SPEF2: variants seen among roughly 807,000 people sequenced by gnomAD.
The protein encoded by SPEF2 is sperm flagellar and cilia associated 2.
In SPEF2, 187 loss-of-function variants were observed where a neutral mutation model predicts 224.6. That is an observed-to-expected ratio of 0.83 (90% CI 0.74 to 0.94). SPEF2 has a LOEUF of 0.94. Ranked by LOEUF, SPEF2 falls within the 40% of genes least tolerant of loss-of-function variation. The pLI, the probability that SPEF2 is intolerant of heterozygous loss-of-function variation, is 0.00. For missense variants in SPEF2, 2,170 were observed against 2,135.6 expected (o/e 1.02, Z -0.32); for synonymous variants, 715 against 707.3 (o/e 1.01, Z -0.17).
chr5:35,796,717 A>G (rs1044967492), intron 33 of SPEF2, among the ~76,000 whole-genome samples: 4 of 152,198 alleles, frequency 2.6e-5, no homozygotes, highest in South Asian at 2.1e-4. Context: ...TAGATTGTTC[A>G]ATTTCTAGCC....
intron 5 of SPEF2, among the ~76,000 whole-genome samples, chr5:35,648,476 C>G: frequency 6.6e-6 from 1 of 151,702 alleles, no homozygotes. Flanking sequence ...CCTTAACCTC[C>G]AAGGCTCAAG....
intron 10 of SPEF2, among the ~76,000 whole-genome samples, chr5:35,673,288 C>A (rs1007690484): frequency 6.6e-6 from 1 of 152,182 alleles, no homozygotes; most frequent in African/African-American, 2.4e-5. Context: ...GGTTCTCAAT[C>A]ATGCAGTGGA....
At chr5:35,744,152 T>C (rs1748099940) in intron 23 of SPEF2, among the ~76,000 whole-genome samples, 2 of 152,250 alleles carry the variant, frequency 1.3e-5, no homozygotes, top group African/African-American at 4.8e-5. Context: ...TTTTGTTTTA[T>C]GTATCTCTAG....
intron 19 of SPEF2, among the ~76,000 whole-genome samples, chr5:35,711,347 A>C (rs943868761): frequency 7.8e-5 from 5 of 64,442 alleles, no homozygotes; most frequent in Admixed American, 6.8e-4. Context: ...TTTGTTAAAA[A>C]TTTTGTGATT....
chr5:35,671,730 C>T (rs1054742199), intron 10 of SPEF2, among the ~76,000 whole-genome samples: 2 of 151,784 alleles, frequency 1.3e-5, no homozygotes, highest in African/African-American at 4.8e-5. Flanking sequence ...AAATGGTTAC[C>T]ACAGGAACAT....
In SPEF2 at chr5:35,729,045, A is replaced by G. The variant is rs79686495; in HGVS notation, c.3063+1222A>G. On this transcript the variant is annotated intron_variant, in intron 21 of 36. Coordinates refer to ENST00000356031, the MANE Select transcript of SPEF2 (RefSeq NM_024867.4). The stretch of plus-strand genomic sequence containing the variant: ...AACTTGAAGCCCTTGTAAGAAATAA[A>G]TCTATAGAGGACAAGAGAGAAATAA... 2.6e-5 allele frequency among the ~76,000 whole-genome samples: 4 copies of G among 152,300 alleles called. No homozygotes were observed. The East Asian group carries it at 7.7e-4, about 29-fold the overall frequency.
At chr5:35,634,775 C>T (rs914543198) in intron 2 of SPEF2, among the ~76,000 whole-genome samples, 2 of 151,998 alleles carry the variant, frequency 1.3e-5, no homozygotes, top group African/African-American at 4.8e-5. Context: ...CATATCTATT[C>T]GTACCTATTG....
intron 33 of SPEF2, among the ~76,000 whole-genome samples, chr5:35,796,780 C>CCAT (rs1756733030): frequency 6.6e-6 from 1 of 152,146 alleles, no homozygotes; most frequent in Non-Finnish European, 1.5e-5. Flanking sequence ...CAGTTGCAGC[C>CCAT]TTAAATGGAG....
chr5:35,673,100 T>C (rs1751412371), intron 10 of SPEF2, among the ~76,000 whole-genome samples: 1 of 152,176 alleles, frequency 6.6e-6, no homozygotes, highest in South Asian at 2.1e-4. Context: ...AACAGCATCA[T>C]GGAGCAGTCA....
At chr5:35,700,808 G>C (rs1738472470) in intron 16 of SPEF2, 56 bp downstream of exon 16, 8 of 1,537,260 alleles carry the variant, frequency 5.2e-6, no homozygotes, top group African/African-American at 1.4e-5. Context: ...TTTGTTCTTT[G>C]AATCAGTGAA....
rs73080281 is a variant in SPEF2, at chr5:35,672,645, A to G, written c.1524+2418A>G. ...ATAGTATAATACATTTGCTTGAACA[A>G]ATAGTGTAATACATTTGCTTGAACA... On this transcript the variant is annotated intron_variant, in intron 10 of 36. Coordinates refer to ENST00000356031, the MANE Select transcript of SPEF2 (RefSeq NM_024867.4). Among the ~76,000 whole-genome samples, 1,366 of 152,062 alleles carry G rather than the reference A, an allele frequency of 9.0e-3. 25 individuals are homozygous for G. The highest frequency in any genetic ancestry group is 0.032 in the African/African-American group (1,316 of 41,518).
chr5:35,659,151 AAAC>A lies in SPEF2; in HGVS notation c.1116_1118del (p.Gln372del). ...ATGGCAAAACAGAATTTTCAGAGAA[AAAC>A]AACATGAGGAAAGACGACTTAAAGA... On this transcript the variant is annotated inframe_deletion, in exon 8 of 37. Coordinates refer to ENST00000356031, the MANE Select transcript of SPEF2 (RefSeq NM_024867.4). 1.2e-6 allele frequency: 2 copies of A among 1,613,426 alleles called. No homozygotes were observed. Among genetic ancestry groups the A allele is most frequent in the South Asian group, 2.2e-5 (2 of 90,980 alleles).
rs1049265955 is a variant in SPEF2, at chr5:35,753,846, A to G, written c.3468+85A>G. The G allele has an allele frequency of 3.9e-6, 6 of 1,547,890 alleles. 1 individual carries two copies. In the Admixed American group the frequency reaches 8.4e-5, roughly 22 times the overall value. The stretch of plus-strand genomic sequence containing the variant: ...CTTCATATGACACTTTCTTGGGAAT[A>G]TGAGAGGTCTGTTCAGGGCTCATTT... On this transcript the variant is annotated intron_variant, in intron 24 of 36. Coordinates refer to ENST00000356031, the MANE Select transcript of SPEF2 (RefSeq NM_024867.4).
intron 11 of SPEF2, among the ~76,000 whole-genome samples, chr5:35,692,128 C>T (rs978655599): frequency 3.3e-5 from 5 of 151,948 alleles, no homozygotes; most frequent in Admixed American, 6.6e-5. Context: ...AAGCTTGATC[C>T]GGCTGGGTGT....
intron 16 of SPEF2, among the ~76,000 whole-genome samples, chr5:35,702,940 C>T (rs7719458): frequency 0.54 from 81,377 of 151,592 alleles, 22,262 homozygotes; most frequent in African/African-American, 0.56. Flanking sequence ...GACTGGTATG[C>T]GAGCCATTTC....
intron 23 of SPEF2, among the ~76,000 whole-genome samples, chr5:35,749,243 A>G (rs984139225): frequency 5.9e-5 from 9 of 152,176 alleles, no homozygotes; most frequent in African/African-American, 2.2e-4. Context: ...CACAGCTACC[A>G]TAATACTGAA....
At chr5:35,705,173 A>G (rs545863099) in intron 17 of SPEF2, among the ~76,000 whole-genome samples, 1 of 152,060 alleles carries the variant, frequency 6.6e-6, no homozygotes, top group Non-Finnish European at 1.5e-5. Context: ...AAGGCTGTCT[A>G]CTCTCCAGGA....
At chr5:35,751,042 T>TATATATGTATATATATAC (rs758436058) in intron 23 of SPEF2, among the ~76,000 whole-genome samples, 1 of 31,366 alleles carries the variant, frequency 3.2e-5, no homozygotes, top group East Asian at 9.3e-4. Flanking sequence ...TATACACATA[T>TATATATGTATATATATAC]GTATATATAT....
At chr5:35,789,284 T>G (rs1179393205) in intron 30 of SPEF2, 1 of 703,238 alleles carries the variant, frequency 1.4e-6, no homozygotes, top group African/African-American at 1.7e-5. Context: ...TAGCATTCTG[T>G]CCTGTGTCAA....
Sources: allele counts gnomAD v4.1 joint callset (sites outside exome capture counted in the v4.1 genomes callset), GRCh38; gene constraint gnomAD v4.1.1; transcripts MANE v1.5; gene names NCBI Gene and HGNC (gene_info 2026-07-23, HGNC 2026-07-21).